DDAH1: variants seen among roughly 807,000 people sequenced by gnomAD.
The protein encoded by DDAH1 is N(G),N(G)-dimethylarginine dimethylaminohydrolase 1.
DDAH1 carries 19 observed loss-of-function variants against 28.8 expected under a neutral mutation model. The observed-to-expected ratio is 0.66, with a 90% CI of 0.46 to 0.97. The LOEUF (loss-of-function observed/expected upper bound fraction) is 0.97. DDAH1 is among the 50% of genes least tolerant of loss of function. DDAH1 has a pLI of 0.00. For synonymous variants in DDAH1, 153 were observed against 154.4 expected (o/e 0.99, Z 0.07); for missense variants, 326 against 375.9 (o/e 0.87, Z 1.10).
intron 1 of DDAH1, among the ~76,000 whole-genome samples, chr1:85,555,983 C>T: frequency 6.6e-6 from 1 of 152,168 alleles, no homozygotes. Flanking sequence ...ACCATCCTCC[C>T]TACCCTACAT....
intron 2 of DDAH1, among the ~76,000 whole-genome samples, chr1:85,489,904 G>A (rs1413294971): frequency 1.3e-5 from 2 of 152,062 alleles, no homozygotes; most frequent in African/African-American, 4.8e-5. Context: ...ATGGTTTTTT[G>A]AAATGATCAC....
At chr1:85,510,888 C>T (rs1657200790) in intron 1 of DDAH1, among the ~76,000 whole-genome samples, 1 of 152,180 alleles carries the variant, frequency 6.6e-6, no homozygotes, top group South Asian at 2.1e-4. Context: ...TAGATTCCCA[C>T]ACAACAATAA....
chr1:85,339,863 C>T (rs756047966), intron 4 of DDAH1, among the ~76,000 whole-genome samples: 3 of 152,138 alleles, frequency 2.0e-5, no homozygotes, highest in South Asian at 2.1e-4. Flanking sequence ...CAACTGACAA[C>T]GTTTCCTAAT....
chr1:85,406,535 G>A (rs1278811221), intron 1 of DDAH1, among the ~76,000 whole-genome samples: 3 of 152,052 alleles, frequency 2.0e-5, no homozygotes, highest in Non-Finnish European at 4.4e-5. Context: ...AAATATTCAA[G>A]AAGGATACAT....
In DDAH1 at chr1:85,455,748, G is replaced by A. The variant is rs566369900; in HGVS notation, c.303+8995C>T. On this transcript the variant is annotated intron_variant, in intron 1 of 5. Coordinates refer to ENST00000284031, the MANE Select transcript of DDAH1 (RefSeq NM_012137.4). ...GATGGCAGACAGTATGTGGGTCTAG[G>A]ATCTTACACTATTTCAATGGTTTTT... Among the ~76,000 whole-genome samples, 27 of 152,258 alleles carry A rather than the reference G, an allele frequency of 1.8e-4. 1 individual carries two copies. In the South Asian group the frequency reaches 4.1e-3, roughly 23 times the overall value.
chr1:85,502,782 T>A (rs1656865939), intron 1 of DDAH1, among the ~76,000 whole-genome samples: 1 of 152,186 alleles, frequency 6.6e-6, no homozygotes, highest in South Asian at 2.1e-4. Context: ...TTTTGCTGCT[T>A]CTCTTCTGGG....
intron 1 of DDAH1, among the ~76,000 whole-genome samples, chr1:85,455,658 A>G (rs1219119942): frequency 6.6e-6 from 1 of 152,204 alleles, no homozygotes; most frequent in South Asian, 2.1e-4. Flanking sequence ...CCATTTCTTC[A>G]GGCCACTGGT....
chr1:85,571,038 C>A (rs1016682964), intron 1 of DDAH1, among the ~76,000 whole-genome samples: 1 of 152,194 alleles, frequency 6.6e-6, no homozygotes, highest in Non-Finnish European at 1.5e-5. Context: ...TGATCCTGGA[C>A]AAGTTGCTTA....
chr1:85,496,271 T>C (rs1235713505), exon 2 of DDAH1: 5 of 976,052 alleles, frequency 5.1e-6, no homozygotes, highest in Non-Finnish European at 6.1e-6. Context: ...TCCTTTTCCA[T>C]ACAGATGAAA....
At chr1:85,508,740 A>G (rs1212394987) in intron 1 of DDAH1, among the ~76,000 whole-genome samples, 1 of 152,232 alleles carries the variant, frequency 6.6e-6, no homozygotes, top group African/African-American at 2.4e-5. Flanking sequence ...TCTGAGATCA[A>G]TCTGTGAGGC....
chr1:85,543,547 T>C (rs1217533036), intron 1 of DDAH1, among the ~76,000 whole-genome samples: 1 of 152,150 alleles, frequency 6.6e-6, no homozygotes, highest in East Asian at 1.9e-4. Context: ...ATTTCCGCAA[T>C]GGTTTAGACA....
At chr1:85,340,566 A>C (rs1648411133) in intron 4 of DDAH1, among the ~76,000 whole-genome samples, 1 of 152,086 alleles carries the variant, frequency 6.6e-6, no homozygotes, top group South Asian at 2.1e-4. Flanking sequence ...AGTGGGCCTC[A>C]CTTTCTGCAC....
At chr1:85,469,206 T>G (rs1655530533), upstream of DDAH1, among the ~76,000 whole-genome samples, 1 of 152,070 alleles carries the variant, frequency 6.6e-6, no homozygotes, top group South Asian at 2.1e-4. Context: ...AACATGAGGT[T>G]GGGGAAACAG....
chr1:85,469,149 G>A (rs1459948279), upstream of DDAH1, among the ~76,000 whole-genome samples: 1 of 152,210 alleles, frequency 6.6e-6, no homozygotes, highest in Non-Finnish European at 1.5e-5. Context: ...ATAACCACGA[G>A]CAAGGGCTGG....
intron 1 of DDAH1, among the ~76,000 whole-genome samples, chr1:85,508,579 T>C (rs1657109090): frequency 6.6e-6 from 1 of 152,226 alleles, no homozygotes; most frequent in South Asian, 2.1e-4. Context: ...AGGGAAGCCC[T>C]GATAGACTGT....
upstream of DDAH1, among the ~76,000 whole-genome samples, chr1:85,469,369 G>C (rs1476352677): frequency 6.6e-6 from 1 of 152,136 alleles, no homozygotes; most frequent in Non-Finnish European, 1.5e-5. Flanking sequence ...TGAAAGCTTG[G>C]CTCCACTATT....
intron 1 of DDAH1, among the ~76,000 whole-genome samples, chr1:85,498,734 C>T (rs532782467): frequency 9.2e-5 from 14 of 152,154 alleles, no homozygotes; most frequent in South Asian, 2.1e-4. Context: ...GCCTGGACAA[C>T]GTGGTGAAAC....
At chr1:85,392,090 T>TC (rs1422613656) in intron 1 of DDAH1, among the ~76,000 whole-genome samples, 1 of 152,208 alleles carries the variant, frequency 6.6e-6, no homozygotes, top group Non-Finnish European at 1.5e-5. Flanking sequence ...TACATTAAAC[T>TC]CCATTTTTGT....
chr1:85,468,614 C>T (rs752242379), upstream of DDAH1, among the ~76,000 whole-genome samples: 11 of 151,398 alleles, frequency 7.3e-5, no homozygotes, highest in Admixed American at 1.3e-4. Context: ...CTGCCTCCCG[C>T]GTTCACACCA....
Sources: allele counts gnomAD v4.1 joint callset (sites outside exome capture counted in the v4.1 genomes callset), GRCh38; gene constraint gnomAD v4.1.1; transcripts MANE v1.5; gene names NCBI Gene and HGNC (gene_info 2026-07-23, HGNC 2026-07-21).